EPB41L5: variants seen among roughly 807,000 people sequenced by gnomAD.
EPB41L5 encodes erythrocyte membrane protein band 4.1 like 5.
A neutral mutation model predicts 106.6 loss-of-function variants in EPB41L5; 55 were observed. That is an observed-to-expected ratio of 0.52 (90% CI 0.42 to 0.65). The LOEUF (loss-of-function observed/expected upper bound fraction) is 0.65. Among genes scored for constraint, EPB41L5 ranks in the 30% least tolerant of loss-of-function variants. EPB41L5 has a pLI of 0.00. For synonymous variants in EPB41L5, 297 were observed against 306.7 expected (o/e 0.97, Z 0.33); for missense variants, 871 against 882.1 (o/e 0.99, Z 0.16).
At chr2:120,016,841 G>A (rs1324377541) in intron 1 of EPB41L5, among the ~76,000 whole-genome samples, 1 of 151,942 alleles carries the variant, frequency 6.6e-6, no homozygotes, top group Admixed American at 6.6e-5. Flanking sequence ...AATGAGACTG[G>A]ATAGCAAGTT....
intron 1 of EPB41L5, 25 bp from the exon 2 acceptor site, chr2:120,019,052 C>T: frequency 6.4e-7 from 1 of 1,555,344 alleles, no homozygotes; most frequent in Non-Finnish European, 8.7e-7. Flanking sequence ...TTCCTGATGC[C>T]ATCTTTTTCT....
At chr2:120,129,961 CATGGCAA>C (rs1685622239) in intron 17 of EPB41L5, among the ~76,000 whole-genome samples, 1 of 152,136 alleles carries the variant, frequency 6.6e-6, no homozygotes. Flanking sequence ...GCCTGGCCAA[CATGGCAA>C]AACCCAGTCT....
intron 20 of EPB41L5, among the ~76,000 whole-genome samples, chr2:120,153,744 G>A (rs1043308133): frequency 1.4e-4 from 21 of 152,074 alleles, no homozygotes; most frequent in Admixed American, 1.4e-3. Flanking sequence ...AATGTATAAT[G>A]TGTCTCTTTG....
chr2:120,106,959 A>C, intron 16 of EPB41L5: 1 of 898,458 alleles, frequency 1.1e-6, no homozygotes, highest in Non-Finnish European at 1.3e-6. Context: ...CCTAGTATAC[A>C]AACACTAATA....
chr2:120,105,749 G>A (rs1338203441), intron 16 of EPB41L5: 5 of 985,142 alleles, frequency 5.1e-6, no homozygotes, highest in Non-Finnish European at 6.0e-6. Flanking sequence ...CTAATGTATG[G>A]CCCTTATAGT....
At chr2:120,073,535 C>T (rs1291435843) in intron 4 of EPB41L5, among the ~76,000 whole-genome samples, 1 of 151,992 alleles carries the variant, frequency 6.6e-6, no homozygotes, top group Non-Finnish European at 1.5e-5. Context: ...TTGGCATCTG[C>T]CCTAATATTG....
At chr2:120,110,367 G>A (rs1398488834) in intron 16 of EPB41L5, among the ~76,000 whole-genome samples, 1 of 152,042 alleles carries the variant, frequency 6.6e-6, no homozygotes, top group Non-Finnish European at 1.5e-5. Context: ...GAACTTTCCC[G>A]TAACAATTTA....
intron 2 of EPB41L5, among the ~76,000 whole-genome samples, chr2:120,019,751 G>T (rs548286467): frequency 6.6e-6 from 1 of 152,300 alleles, no homozygotes; most frequent in East Asian, 1.9e-4. Flanking sequence ...TTTACTTGCA[G>T]ACATTAATGA....
chr2:120,074,710 A>G (rs1003990037), intron 5 of EPB41L5, among the ~76,000 whole-genome samples: 2 of 152,154 alleles, frequency 1.3e-5, no homozygotes, highest in African/African-American at 4.8e-5. Flanking sequence ...TCATTGCTCC[A>G]TATACACATA....
intron 2 of EPB41L5, among the ~76,000 whole-genome samples, chr2:120,025,702 G>A (rs1323072044): frequency 6.6e-6 from 1 of 152,124 alleles, no homozygotes; most frequent in African/African-American, 2.4e-5. Flanking sequence ...TGGTAGGATG[G>A]CAGTACACCT....
chr2:120,094,624 T>C (rs1448710792), intron 14 of EPB41L5, among the ~76,000 whole-genome samples: 2 of 152,100 alleles, frequency 1.3e-5, no homozygotes, highest in East Asian at 3.8e-4. Flanking sequence ...ACTTTAGGTT[T>C]AGTTTGCTGT....
At chr2:120,076,086 A>G (rs1682211800) in intron 7 of EPB41L5, among the ~76,000 whole-genome samples, 1 of 152,214 alleles carries the variant, frequency 6.6e-6, no homozygotes, top group Non-Finnish European at 1.5e-5. Context: ...CATATAGCTT[A>G]GCAGTCCTTT....
chr2:120,073,290 AGGATG>A, intron 4 of EPB41L5, 70 bp downstream of exon 4: 1 of 1,274,906 alleles, frequency 7.8e-7, no homozygotes, highest in Non-Finnish European at 1.1e-6. Context: ...GATTTCTAAT[AGGATG>A]TAAGAAATCA....
intron 11 of EPB41L5, among the ~76,000 whole-genome samples, chr2:120,088,523 T>C (rs962804622): frequency 6.6e-6 from 1 of 152,110 alleles, no homozygotes; most frequent in East Asian, 1.9e-4. Context: ...AAATAACATG[T>C]GCAATAAACC....
intron 3 of EPB41L5, among the ~76,000 whole-genome samples, chr2:120,060,452 C>T (rs1441982701): frequency 6.6e-6 from 1 of 152,134 alleles, no homozygotes; most frequent in Non-Finnish European, 1.5e-5. Flanking sequence ...ACTATTGATA[C>T]ACACCAACTT....
intron 3 of EPB41L5, among the ~76,000 whole-genome samples, chr2:120,066,997 T>A (rs964196731): frequency 1.3e-5 from 2 of 152,194 alleles, no homozygotes; most frequent in African/African-American, 4.8e-5. Flanking sequence ...GCAGGCCTAG[T>A]GTTCTGTTAA....
chr2:120,157,424 G>GA (rs60759052), intron 20 of EPB41L5, among the ~76,000 whole-genome samples: 7,686 of 144,400 alleles, frequency 0.053, 254 homozygotes, highest in Non-Finnish European at 0.08. Flanking sequence ...CAGAAGATAA[G>GA]AAAAAAAAAA....
At chr2:120,045,115 A>G (rs977200879) in intron 3 of EPB41L5, among the ~76,000 whole-genome samples, 13 of 152,314 alleles carry the variant, frequency 8.5e-5, no homozygotes, top group Admixed American at 4.6e-4. Context: ...CACCCTCAGC[A>G]TATGGCATGT....
At chr2:120,080,280 C>T (rs1329109456) in intron 10 of EPB41L5, among the ~76,000 whole-genome samples, 1 of 151,998 alleles carries the variant, frequency 6.6e-6, no homozygotes, top group Non-Finnish European at 1.5e-5. Flanking sequence ...ACGACAGGCC[C>T]CGGTGTGTGA....
Sources: gnomAD v4.1 joint callset for allele counts (sites outside exome capture counted in the v4.1 genomes callset) on GRCh38, gnomAD v4.1.1 for gene constraint, MANE v1.5 for transcripts, NCBI Gene and HGNC (gene_info 2026-07-23, HGNC 2026-07-21) for gene names.